The following EEA1 variants were observed in gnomAD, a reference collection of about 807,000 sequenced individuals.
EEA1 encodes the protein early endosome antigen 1.
In EEA1, 111 loss-of-function variants were observed where a neutral mutation model predicts 209.2. That is an observed-to-expected ratio of 0.53 (90% CI 0.45 to 0.62). EEA1 has a LOEUF of 0.62. Ranked by LOEUF, EEA1 falls within the 20% of genes least tolerant of loss-of-function variation. EEA1 has a pLI of 0.00. For synonymous variants in EEA1, 536 were observed against 540.6 expected (o/e 0.99, Z 0.12); for missense variants, 1,343 against 1,530.8 (o/e 0.88, Z 2.05).
chr12:92,861,455 C>CA (rs1375235555), intron 3 of EEA1, among the ~76,000 whole-genome samples: 1 of 151,194 alleles, frequency 6.6e-6, no homozygotes, highest in Non-Finnish European at 1.5e-5. Context: ...AACTCAGTCT[C>CA]AAAAAAAAAT....
Position 92,775,943 on chromosome 12 carries a change from C to A in EEA1, c.*68G>T. 2 of 1,534,242 alleles carry A rather than the reference C, an allele frequency of 1.3e-6. No homozygotes were observed. Among genetic ancestry groups the A allele is most frequent in the South Asian group, 1.3e-5 (1 of 78,004 alleles). ...GTCCAAACCAAATAGTAGTCCAAGA[C>A]CTCTATTAAGTACATTTATTAAAAA... On this transcript the variant is annotated 3_prime_UTR_variant, in exon 29 of 29. Coordinates refer to ENST00000322349, the MANE Select transcript of EEA1 (RefSeq NM_003566.4).
chr12:92,850,236 C>T (rs1432300539), intron 9 of EEA1, among the ~76,000 whole-genome samples: 1 of 152,138 alleles, frequency 6.6e-6, no homozygotes, highest in Non-Finnish European at 1.5e-5. Flanking sequence ...AAACAAATGT[C>T]AGCTCAATAA....
At position 92,828,023 on chromosome 12, in the gene EEA1, C is replaced by T. The variant is rs755380285; in HGVS notation, c.1293G>A (p.Gly431=). The change falls in exon 12 of 29, where the codon GGG becomes GGA. Residue 431 remains glycine, a synonymous_variant. Coordinates refer to ENST00000322349, the MANE Select transcript of EEA1 (RefSeq NM_003566.4). ...GTTCCTTCAGCCTACCATGAGCTTCCCCTAGTTGGCGCTCTGTCTCCAGAA... is the reference window on the plus strand; with the variant it reads ...GTTCCTTCAGCCTACCATGAGCTTCTCCTAGTTGGCGCTCTGTCTCCAGAA... The part of the protein sequence containing the change: ...SKLLETERQL[G]EAHGRLKEQR... 4 of 1,591,154 alleles carry T rather than the reference C, an allele frequency of 2.5e-6. 1 individual carries two copies. The highest frequency in any genetic ancestry group is 1.8e-5 in the Admixed American group (1 of 55,436).
chr12:92,811,902 T>C (rs1269899393), intron 16 of EEA1, among the ~76,000 whole-genome samples: 2 of 152,168 alleles, frequency 1.3e-5, no homozygotes, highest in Non-Finnish European at 1.5e-5. Flanking sequence ...AAATCTACTA[T>C]GTACCAAAAG....
chr12:92,827,396 A>T (rs1019796840), intron 12 of EEA1, among the ~76,000 whole-genome samples: 2 of 152,198 alleles, frequency 1.3e-5, no homozygotes, highest in African/African-American at 4.8e-5. Context: ...ACTTAAAAAT[A>T]AAAAAGTGTG....
chr12:92,809,817 C>A (rs1475750765), intron 17 of EEA1, among the ~76,000 whole-genome samples: 1 of 152,136 alleles, frequency 6.6e-6, no homozygotes, highest in African/African-American at 2.4e-5. Context: ...AACAGGTTCA[C>A]TGATCTACTC....
At chr12:92,911,267 T>G (rs1449898967) in intron 1 of EEA1, among the ~76,000 whole-genome samples, 1 of 152,134 alleles carries the variant, frequency 6.6e-6, no homozygotes, top group East Asian at 1.9e-4. Context: ...AATAACTTAC[T>G]AGTACACCCA....
chr12:92,802,921 AAC>A (rs918801492), intron 18 of EEA1, among the ~76,000 whole-genome samples, 187 bp from the exon 19 acceptor site: 1 of 152,076 alleles, frequency 6.6e-6, no homozygotes, highest in African/African-American at 2.4e-5. Flanking sequence ...TTGATCATTT[AAC>A]AGATGTAGAT....
At chr12:92,869,533 C>G (rs540493405) in intron 2 of EEA1, among the ~76,000 whole-genome samples, 1 of 150,550 alleles carries the variant, frequency 6.6e-6, no homozygotes, top group African/African-American at 2.4e-5. Context: ...GACTTGAGGC[C>G]AGGAGTTCTA....
In EEA1 at chr12:92,776,004, T is replaced by C. The variant is rs1399688286; in HGVS notation, c.*7A>G. 6.2e-7 allele frequency: 1 copy of C among 1,607,912 alleles called. No individual in the cohort carries two copies. Among genetic ancestry groups the C allele is most frequent in the Non-Finnish European group, 8.5e-7 (1 of 1,176,636 alleles). ...GTGTAATATTACTCTGAAGTTGTGA[T>C]AACCCATTATCCTTGCAAGTCATTG... On this transcript the variant is annotated 3_prime_UTR_variant, in exon 29 of 29. Coordinates refer to ENST00000322349, the MANE Select transcript of EEA1 (RefSeq NM_003566.4).
In EEA1 at chr12:92,799,010, T is replaced by C. The variant is rs370140200; in HGVS notation, c.2849A>G (p.Asn950Ser). 2 of 1,613,440 alleles carry C rather than the reference T, an allele frequency of 1.2e-6. No individual in the cohort carries two copies. The highest frequency in any genetic ancestry group is 2.7e-5 in the African/African-American group (2 of 74,904). ...LIQAQNTLKQ[N>S]EKEEQQLQGN... ...CTGAAGTTGTTGCTCTTCTTTTTCATTTTGTTTTAAAGTATTCTGGGCCTG... is the reference window on the plus strand; with the variant it reads ...CTGAAGTTGTTGCTCTTCTTTTTCACTTTGTTTTAAAGTATTCTGGGCCTG... The change falls in exon 21 of 29, where the codon AAT becomes AGT. Residue 950 changes from asparagine to serine, a missense_variant. This residue lies in a region of EEA1 where 1,307 missense variants were observed against 1,465.5 expected (regional missense o/e 0.89). Coordinates refer to ENST00000322349, the MANE Select transcript of EEA1 (RefSeq NM_003566.4).
intron 2 of EEA1, among the ~76,000 whole-genome samples, chr12:92,887,283 C>A (rs1879455077): frequency 6.6e-6 from 1 of 152,036 alleles, no homozygotes; most frequent in Non-Finnish European, 1.5e-5. Flanking sequence ...GTCAGGAAGT[C>A]AAGACCAGCC....
intron 18 of EEA1, among the ~76,000 whole-genome samples, chr12:92,806,748 A>G (rs964529274): frequency 1.3e-5 from 2 of 152,186 alleles, no homozygotes; most frequent in Non-Finnish European, 2.9e-5. Flanking sequence ...CAAAAACAGC[A>G]ATATACAAAA....
At chr12:92,899,062 T>A (rs1880041796) in intron 1 of EEA1, among the ~76,000 whole-genome samples, 1 of 147,014 alleles carries the variant, frequency 6.8e-6, no homozygotes, top group Non-Finnish European at 1.5e-5. Context: ...CCAAAACAGG[T>A]AGAAAGTGGC....
Position 92,928,662 on chromosome 12 carries a change from C to A in EEA1, c.24+381G>T, listed in dbSNP as rs562089982. On this transcript the variant is annotated intron_variant, in intron 1 of 28. Coordinates refer to ENST00000322349, the MANE Select transcript of EEA1 (RefSeq NM_003566.4). The stretch of plus-strand genomic sequence containing the variant: ...CAAGCCGCCCGAATCTCCCATGGGG[C>A]GTTCTCCAGCCCGGCAGGCGGCGGC... Among the ~76,000 whole-genome samples the A allele has an allele frequency of 2.6e-5, 4 of 152,240 alleles. No homozygotes were observed. In the East Asian group the frequency reaches 7.7e-4, roughly 29 times the overall value.
At chr12:92,858,724 C>A in intron 3 of EEA1, 1 of 740,264 alleles carries the variant, frequency 1.4e-6, no homozygotes, top group South Asian at 1.3e-5. Context: ...TGAAGAGGTT[C>A]GTCTTGGTGA....
At chr12:92,812,023 T>C (rs1246075545) in intron 16 of EEA1, among the ~76,000 whole-genome samples, 5 of 152,134 alleles carry the variant, frequency 3.3e-5, no homozygotes, top group Non-Finnish European at 7.4e-5. Context: ...TACTTCTGTA[T>C]TGTTTTTTAA....
chr12:92,785,335 G>C (rs1287502800), intron 22 of EEA1, among the ~76,000 whole-genome samples: 2 of 151,818 alleles, frequency 1.3e-5, no homozygotes, highest in African/African-American at 4.8e-5. Flanking sequence ...CTGGTGTCTA[G>C]GTATATACAC....
intron 1 of EEA1, among the ~76,000 whole-genome samples, chr12:92,904,762 C>T (rs771549695): frequency 6.6e-5 from 10 of 152,158 alleles, no homozygotes; most frequent in Non-Finnish European, 1.2e-4. Flanking sequence ...CCAGATGAAA[C>T]AGTATGTAAG....
Sources: gnomAD v4.1 joint callset for allele counts (sites outside exome capture counted in the v4.1 genomes callset) on GRCh38, gnomAD v4.1.1 for gene constraint, gnomAD v4.1.1 regional missense constraint, MANE v1.5 for transcripts, NCBI Gene and HGNC (gene_info 2026-07-23, HGNC 2026-07-21) for gene names.